The following POLRMT variants were observed in gnomAD, a reference collection of about 807,000 sequenced individuals.
POLRMT encodes the protein RNA polymerase mitochondrial.
A neutral mutation model predicts 132.2 loss-of-function variants in POLRMT; 114 were observed. That is an observed-to-expected ratio of 0.86 (90% CI 0.74 to 1.01). The LOEUF is 1.01. Ranked by LOEUF, POLRMT falls within the 50% of genes least tolerant of loss-of-function variation. POLRMT has a pLI of 0.00. For synonymous variants in POLRMT, 1,020 were observed against 773.4 expected, an observed-to-expected ratio of 1.32 and a Z score of -5.29; for missense variants, 2,003 against 1,729.1, an observed-to-expected ratio of 1.16 and a Z score of -2.81.
At position 620,456 on chromosome 19, in the gene POLRMT, G is replaced by C. The variant is rs1237276419; in HGVS notation, c.2672C>G (p.Pro891Arg). The C allele has an allele frequency of 6.2e-7, 1 of 1,600,966 alleles. No individual in the cohort carries two copies. The change falls in exon 11 of 21, where the codon CCC (proline) becomes CGC (arginine). Residue 891 changes from proline to arginine, a missense_variant. Physicochemically the swap from Pro to Arg is moderately radical, Grantham distance 103. Coordinates refer to ENST00000588649, the MANE Select transcript of POLRMT (RefSeq NM_005035.4). ...CATACAGCAGGCCAGCGTCTGCCAG[G>C]GTTCCTCCGCGCCCATCCACCACTT... Reference protein sequence around the residue: ...GRKWWMGAEEPWQTLACCMEV... With the variant: ...GRKWWMGAEERWQTLACCMEV...
intron 10 of POLRMT, 123 bp from the exon 11 acceptor site, chr19:620,610 A>T: frequency 2.4e-6 from 3 of 1,236,104 alleles, no homozygotes; most frequent in East Asian, 2.7e-5. Context: ...TGAACACGGG[A>T]CGCATGTGGG....
intron 10 of POLRMT, 21 bp from the exon 11 acceptor site, chr19:620,508 G>A (rs1390469712): frequency 3.2e-6 from 5 of 1,547,782 alleles, no homozygotes; most frequent in Non-Finnish European, 4.4e-6. Flanking sequence ...AGCGGATGGG[G>A]GGCAGTGAGG....
At chr19:617,390 C>G (rs1490924188) in intron 20 of POLRMT, 29 bp downstream of exon 20, 3 of 1,612,352 alleles carry the variant, frequency 1.9e-6, no homozygotes, top group Admixed American at 1.7e-5. Flanking sequence ...CAGTTCGAGC[C>G]ACCCTTGCGA....
chr19:625,362 G>A (rs1431124289), intron 3 of POLRMT, 108 bp from the exon 4 acceptor site: 5 of 1,480,446 alleles, frequency 3.4e-6, no homozygotes, highest in Non-Finnish European at 1.8e-6. Context: ...CAGGGGACAG[G>A]GTCACCAGGC....
chr19:632,327 A>G (rs985236123), intron 2 of POLRMT, among the ~76,000 whole-genome samples: 2 of 152,172 alleles, frequency 1.3e-5, no homozygotes, highest in Admixed American at 1.3e-4. Context: ...ACCGGCGGGA[A>G]GCAAGCACAG....
chr19:621,267 G>C lies in POLRMT; in HGVS notation c.2431C>G (p.Pro811Ala), dbSNP rs767664972. The C allele has an allele frequency of 6.2e-7, 1 of 1,607,530 alleles. No individual in the cohort carries two copies. The highest frequency in any genetic ancestry group is 8.5e-7 in the Non-Finnish European group (1 of 1,177,886). Residue 811 changes from proline to alanine, a missense_variant, in exon 10 of 21, where the codon CCG (proline) becomes GCG (alanine). Physicochemically the swap from Pro to Ala is conservative, Grantham distance 27. Coordinates refer to ENST00000588649, the MANE Select transcript of POLRMT (RefSeq NM_005035.4). ...TCGCTGCCCAGGTGGTTGAAGTGCG[G>C]CGGGCAGGGGTAGGTGCGGCCGCGG... ...DFRGRTYPCPPHFNHLGSDVA... is the reference protein window; with the variant it reads ...DFRGRTYPCPAHFNHLGSDVA...
At position 623,000 on chromosome 19, in the gene POLRMT, C is replaced by A. The variant is rs112298120; in HGVS notation, c.1291-15G>T. On this transcript the variant is annotated splice_polypyrimidine_tract_variant and intron_variant, in intron 6 of 20. Transcript: ENST00000588649. ...AGGGTCTTCCGCTGCGGGGGATGAA[C>A]GGGCCCGGTGAGCCCCGTGGCAGCT... 29 of 1,610,350 alleles carry A rather than the reference C, an allele frequency of 1.8e-5. No individual in the cohort carries two copies. The African/African-American group carries it at 2.9e-4, about 16-fold the overall frequency.
chr19:622,471 A>G, intron 8 of POLRMT, 98 bp from the exon 9 acceptor site: 1 of 1,463,768 alleles, frequency 6.8e-7, no homozygotes, highest in African/African-American at 1.4e-5. Flanking sequence ...TGTCAGCCCA[A>G]GCATACAGAT....
Position 620,003 on chromosome 19 carries a change from C to T in POLRMT, c.2841G>A (p.Glu947=), listed in dbSNP as rs1397316807. The T allele has an allele frequency of 1.3e-6, 2 of 1,591,672 alleles. No individual in the cohort carries two copies. The highest frequency in any genetic ancestry group is 1.7e-5 in the Admixed American group (1 of 57,568). ...ACACGTCCTGCGGCACATCCGAGGG[C>T]TCCAGGTTGACGGAGGCGGCGCCCA... ...DSVGAASVNL[E]PSDVPQDVYS... Residue 947 remains glutamate (E), a synonymous_variant, in exon 12 of 21, where the codon GAG becomes GAA. Coordinates refer to ENST00000588649, the MANE Select transcript of POLRMT (RefSeq NM_005035.4).
rs866979414 is a variant in POLRMT, at chr19:620,544, G to A, written c.2641-57C>T. The stretch of plus-strand genomic sequence containing the variant: ...CCCGGGCCCGATCCCTGAGCCCGCT[G>A]GGAGGCTGTGTTGCGGGGAGGTGGG... On this transcript the variant is annotated intron_variant, in intron 10 of 20. Coordinates refer to ENST00000588649, the MANE Select transcript of POLRMT (RefSeq NM_005035.4). The A allele has an allele frequency of 9.5e-6, 14 of 1,472,966 alleles. No homozygotes were observed. In the Middle Eastern group the frequency reaches 1.3e-3, roughly 132 times the overall value. 91.2% of individuals were successfully genotyped at this position (1,472,966 alleles called of 1,614,324 possible).
At position 629,660 on chromosome 19, in the gene POLRMT, C is replaced by T. The variant is rs1468109134; in HGVS notation, c.702G>A (p.Leu234=). 1 of 1,610,206 alleles carries T rather than the reference C, an allele frequency of 6.2e-7. No individual in the cohort carries two copies. Residue 234 remains leucine (L), a synonymous_variant, in exon 3 of 21, where the codon CTG becomes CTA. Transcript: ENST00000588649. The stretch of plus-strand genomic sequence containing the variant: ...GGGCGAGGGGCAGCTGGTCAGTGAG[C>T]AGGCAGCACTTGAAGAAGGCCAGGA... ...QRLLAFFKCC[L]LTDQLPLAHH...
Position 622,603 on chromosome 19 carries a change from G to A in POLRMT, c.1605C>T (p.Cys535=), listed in dbSNP as rs753224268. The A allele has an allele frequency of 1.0e-5, 16 of 1,604,914 alleles. No individual in the cohort carries two copies. The highest frequency in any genetic ancestry group is 3.3e-5 in the South Asian group (3 of 90,168). ...TCACCTCGGCGTCGGAGGCCAGCAA[G>A]CAGAGGTACTTCCTGTAGTGGTTCT... ...ALQNHYRKYL[C]LLASDAEVPE... is the part of the protein sequence containing the mutation. Residue 535 remains cysteine (C), a synonymous_variant, in exon 8 of 21, where the codon TGC becomes TGT. Transcript: ENST00000588649.
intron 17 of POLRMT, chr19:618,287 G>A (rs891785532): frequency 3.0e-5 from 17 of 571,848 alleles, no homozygotes; most frequent in South Asian, 2.1e-4. Context: ...TCTCCCTGTC[G>A]GGCCACAGGA....
rs1984543702 is a variant in POLRMT at position 621,128 on chromosome 19, A to G, written c.2570T>C (p.Leu857Pro). ...CTCCGCAAAGGCCAGGCGCTTCCGC[A>G]GCGGCTCCCGCTTCTTCAACCCCGT... ...NLTGLKKREP[L>P]RKRLAFAEEV... is the part of the protein sequence containing the mutation. Residue 857 changes from leucine to proline, a missense_variant, in exon 10 of 21, where the codon CTG becomes CCG. Leu to Pro is a moderately conservative substitution (Grantham distance 98). Transcript: ENST00000588649. 11 of 1,610,842 alleles carry G rather than the reference A, an allele frequency of 6.8e-6. No homozygotes were observed. The highest frequency in any genetic ancestry group is 9.3e-6 in the Non-Finnish European group (11 of 1,178,764).
Position 629,681 on chromosome 19 carries a change from C to A in POLRMT, c.681G>T (p.Leu227=). Residue 227 remains leucine, a synonymous_variant, in exon 3 of 21, where the codon CTG becomes CTT. Coordinates refer to ENST00000588649, the MANE Select transcript of POLRMT (RefSeq NM_005035.4). ...AQLSGQQQRL[L]AFFKCCLLTD... ...TGAGCAGGCAGCACTTGAAGAAGGC[C>A]AGGAGCCTCTGCTGCTGACCTGAGA... 1 of 1,608,936 alleles carries A rather than the reference C, an allele frequency of 6.2e-7. No individual in the cohort carries two copies. The highest frequency in any genetic ancestry group is 8.5e-7 in the Non-Finnish European group (1 of 1,178,586).
At chr19:623,647 G>C (rs200627153) in intron 5 of POLRMT, 44 bp from the exon 6 acceptor site, 1 of 1,599,864 alleles carries the variant, frequency 6.3e-7, no homozygotes, top group Non-Finnish European at 8.6e-7. Context: ...GCCAGAGGGC[G>C]ACCTGCCCTC....
chr19:619,898 G>A (rs1474937475), intron 12 of POLRMT, 60 bp downstream of exon 12: 4 of 1,594,518 alleles, frequency 2.5e-6, no homozygotes, highest in Admixed American at 1.7e-5. Context: ...CTGGGGCCGA[G>A]ACTCAGGGCT....
At chr19:621,920 G>A in intron 9 of POLRMT, 74 bp from the exon 10 acceptor site, 2 of 1,515,618 alleles carry the variant, frequency 1.3e-6, no homozygotes, top group Non-Finnish European at 1.8e-6. Context: ...AAACTTGGGT[G>A]AGAGGGGCCG....
intron 3 of POLRMT, 139 bp downstream of exon 3, chr19:629,401 G>A: frequency 1.0e-6 from 1 of 968,412 alleles, no homozygotes; most frequent in Non-Finnish European, 1.4e-6. Context: ...ATTTGTATTT[G>A]AAAAGCCTAA....
Sources: gnomAD v4.1 joint callset for allele counts (sites outside exome capture counted in the v4.1 genomes callset) on GRCh38, gnomAD v4.1.1 for gene constraint, MANE v1.5 for transcripts, NCBI Gene and HGNC (gene_info 2026-07-23, HGNC 2026-07-21) for gene names.